Variants in PGAP2 observed in about 807,000 individuals in gnomAD.
PGAP2 encodes the protein post-GPI attachment to proteins 2.
In PGAP2, 21 loss-of-function variants were observed where a neutral mutation model predicts 33.2. That is an observed-to-expected ratio of 0.63 (90% confidence interval 0.45 to 0.91). The LOEUF is 0.91. Ranked by LOEUF, PGAP2 falls within the 40% of genes least tolerant of loss-of-function variation. The pLI, the probability that PGAP2 is intolerant of heterozygous loss-of-function variation, is 0.00. For synonymous variants in PGAP2, 161 were observed against 172.9 expected (o/e 0.93, Z 0.54); for missense variants, 345 against 424.0 (o/e 0.81, Z 1.64).
At position 3,823,024 on chromosome 11, in the gene PGAP2, C is replaced by CTTT. The variant is rs746736798; in HGVS notation, c.349-831_349-829dup. The CTTT allele has an allele frequency of 5.7e-3, 1,733 of 306,674 alleles. 1 individual carries two copies. The highest frequency in any genetic ancestry group is 0.015 in the South Asian group (417 of 28,682). 19.0% of individuals were successfully genotyped at this position (306,674 alleles called of 1,614,324 possible). A position where few individuals can be genotyped will look rare whatever the true frequency, so the allele number is the denominator to read the frequency against. On this transcript the variant is annotated intron_variant, in intron 3 of 6. Coordinates refer to ENST00000278243, the MANE Select transcript of PGAP2 (RefSeq NM_014489.4). ...GAGCACCCACTTTCTTTTTTCTTTTCTTTTTTTTTTTTTTTTTTTTTTTTT... is the reference window on the plus strand; with the variant it reads ...GAGCACCCACTTTCTTTTTTCTTTTCTTTTTTTTTTTTTTTTTTTTTTTTTTTT...
intron 3 of PGAP2, chr11:3,822,804 G>A (rs933981963): frequency 9.9e-6 from 6 of 608,472 alleles, no homozygotes; most frequent in African/African-American, 1.9e-5. Flanking sequence ...TGGCTTTCCT[G>A]TCCCCATCTA....
intron 3 of PGAP2, among the ~76,000 whole-genome samples, chr11:3,823,414 G>T (rs893410568): frequency 6.6e-6 from 1 of 152,110 alleles, no homozygotes; most frequent in Non-Finnish European, 1.5e-5. Context: ...AGTGAGTGGC[G>T]CTGGGAGCAG....
upstream of PGAP2, chr11:3,808,051 C>A: frequency 7.1e-7 from 1 of 1,411,562 alleles, no homozygotes; most frequent in Non-Finnish European, 9.2e-7. Context: ...GCCAGAGTTT[C>A]TGGGATGTGC....
chr11:3,824,412 C>G, intron 5 of PGAP2, 36 bp downstream of exon 5: 1 of 1,614,076 alleles, frequency 6.2e-7, no homozygotes, highest in Non-Finnish European at 8.5e-7. Context: ...CCAAGGCAGC[C>G]CAGAAGAAAA....
At chr11:3,801,886 AGTG>A (rs1387194893) in intron 1 of PGAP2, among the ~76,000 whole-genome samples, 65 of 152,202 alleles carry the variant, frequency 4.3e-4, no homozygotes, top group Non-Finnish European at 1.8e-4. Flanking sequence ...TGGAGGTTGC[AGTG>A]AGCCAAGATT....
At chr11:3,804,837 G>T (rs1286590759), upstream of PGAP2, among the ~76,000 whole-genome samples, 1 of 152,098 alleles carries the variant, frequency 6.6e-6, no homozygotes, top group African/African-American at 2.4e-5. Flanking sequence ...AAGTAGCTGG[G>T]ATTACAGGCG....
At chr11:3,799,737 G>A (rs905693086) in intron 1 of PGAP2, among the ~76,000 whole-genome samples, 3 of 152,156 alleles carry the variant, frequency 2.0e-5, no homozygotes, top group African/African-American at 7.2e-5. Flanking sequence ...GGGAGTTCAA[G>A]GTAGGAGGAT....
chr11:3,814,790 T>TTC (rs1565012367), intron 2 of PGAP2, among the ~76,000 whole-genome samples: 3 of 110,416 alleles, frequency 2.7e-5, no homozygotes, highest in East Asian at 2.8e-4. Context: ...CTTTCTTTCT[T>TTC]TCTTTCTTTC....
intron 3 of PGAP2, among the ~76,000 whole-genome samples, chr11:3,818,858 G>A (rs2134772822): frequency 6.6e-6 from 1 of 152,346 alleles, no homozygotes. Context: ...GGGGCTCAGA[G>A]GAGGCACTTC....
At position 3,825,635 on chromosome 11, in the gene PGAP2, C is replaced by T; in HGVS notation, c.*177C>T. The stretch of plus-strand genomic sequence containing the variant: ...GTGCTGCTGGCTTCTCCTCTCCACC[C>T]CTCATATGGGCGTGGGGTCCTCAAA... On this transcript the variant is annotated 3_prime_UTR_variant, in exon 7 of 7. Coordinates refer to ENST00000278243, the MANE Select transcript of PGAP2 (RefSeq NM_014489.4). 1 of 606,468 alleles carries T rather than the reference C, an allele frequency of 1.6e-6. No individual in the cohort carries two copies. The highest frequency in any genetic ancestry group is 2.8e-6 in the Non-Finnish European group (1 of 353,616). The allele number at this position is 606,468 out of a possible 1,614,324, so 37.6% of individuals were successfully genotyped here. A position where few individuals can be genotyped will look rare whatever the true frequency, so the allele number is the denominator to read the frequency against.
chr11:3,798,870 G>A (rs1394259237), intron 1 of PGAP2, among the ~76,000 whole-genome samples: 1 of 138,110 alleles, frequency 7.2e-6, no homozygotes, highest in African/African-American at 2.7e-5. Flanking sequence ...CTCGAACTCC[G>A]GAACTCAGGT....
chr11:3,814,749 TTTCTTTCTTTC>T lies in PGAP2; in HGVS notation c.166-2601_166-2591del, dbSNP rs2086417615. On this transcript the variant is annotated intron_variant, in intron 2 of 6. Transcript: ENST00000278243. ...TTTCCTTCTTTCCTTCTTTCCTTCT[TTTCTTTCTTTC>T]TTTCTTTCTTTCTTTCTTTCTTTCT... 5.9e-5 allele frequency among the ~76,000 whole-genome samples: 4 copies of T among 67,288 alleles called. No individual in the cohort carries two copies. The South Asian group carries it at 1.4e-3, about 24-fold the overall frequency. The allele number at this position is 67,288 out of a possible 152,430, so 44.1% of individuals were successfully genotyped here. A position where few individuals can be genotyped will look rare whatever the true frequency, so the allele number is the denominator to read the frequency against.
chr11:3,806,470 C>T (rs1379250506), upstream of PGAP2, among the ~76,000 whole-genome samples: 3 of 152,270 alleles, frequency 2.0e-5, no homozygotes, highest in South Asian at 6.2e-4. Flanking sequence ...CCTCAGAGTG[C>T]GTCTGAGGTA....
intron 5 of PGAP2, 42 bp downstream of exon 5, chr11:3,824,418 G>A (rs764807934): frequency 6.2e-7 from 1 of 1,614,112 alleles, no homozygotes; most frequent in South Asian, 1.1e-5. Flanking sequence ...CAGCCCAGAA[G>A]AAAATCAAGG....
chr11:3,822,267 G>C (rs936978576), intron 3 of PGAP2, among the ~76,000 whole-genome samples: 1 of 152,138 alleles, frequency 6.6e-6, no homozygotes, highest in Non-Finnish European at 1.5e-5. Context: ...GGGAGGCTGA[G>C]GCAGGAGAAT....
At chr11:3,809,971 A>T (rs2085212928) in intron 1 of PGAP2, among the ~76,000 whole-genome samples, 1 of 152,158 alleles carries the variant, frequency 6.6e-6, no homozygotes, top group South Asian at 2.1e-4. Flanking sequence ...TGGGGTCAGG[A>T]AGAGTTGGGA....
intron 2 of PGAP2, among the ~76,000 whole-genome samples, chr11:3,815,172 A>T (rs1452060136): frequency 6.6e-6 from 1 of 151,950 alleles, no homozygotes; most frequent in Non-Finnish European, 1.5e-5. Flanking sequence ...ACTTATAGTG[A>T]GTATGTACTT....
intron 3 of PGAP2, among the ~76,000 whole-genome samples, chr11:3,821,616 G>A (rs1376284416): frequency 6.6e-6 from 1 of 152,082 alleles, no homozygotes; most frequent in Non-Finnish European, 1.5e-5. Flanking sequence ...AAATTAGCTG[G>A]GCGTGGCAGC....
At position 3,825,318 on chromosome 11, in the gene PGAP2, C is replaced by T; in HGVS notation, c.818-10C>T. 1.2e-6 allele frequency: 2 copies of T among 1,612,008 alleles called. No individual in the cohort carries two copies. The highest frequency in any genetic ancestry group is 1.7e-6 in the Non-Finnish European group (2 of 1,178,888). On this transcript the variant is annotated splice_polypyrimidine_tract_variant and intron_variant, in intron 6 of 6. Coordinates refer to ENST00000278243, the MANE Select transcript of PGAP2 (RefSeq NM_014489.4). ...TTCACCATGTCCTGTTCCTTGTGTCCTCACAACAGTGTACACCATCTTTGC... is the reference window on the plus strand; with the variant it reads ...TTCACCATGTCCTGTTCCTTGTGTCTTCACAACAGTGTACACCATCTTTGC...
Sources: gnomAD v4.1 joint callset for allele counts (sites outside exome capture counted in the v4.1 genomes callset) on GRCh38, gnomAD v4.1.1 for gene constraint, MANE v1.5 for transcripts, NCBI Gene and HGNC (gene_info 2026-07-23, HGNC 2026-07-21) for gene names.